The following FGF14 variants were observed in gnomAD, a reference collection of about 807,000 sequenced individuals.
FGF14 encodes fibroblast growth factor 14.
Under a neutral mutation model 25.5 loss-of-function variants are expected in FGF14, and 5 were observed. The observed-to-expected ratio is 0.20, with a 90% confidence interval of 0.10 to 0.41. The LOEUF is 0.41. Among genes scored for constraint, FGF14 ranks in the 10% least tolerant of loss-of-function variants. FGF14 has a pLI of 1.00. For missense variants in FGF14, 222 were observed against 320.1 expected, an observed-to-expected ratio of 0.69 and a Z score of 2.34; for synonymous variants, 138 against 118.3, an observed-to-expected ratio of 1.17 and a Z score of -1.08.
chr13:102,364,271 C>T (rs1446464452), intron 1 of FGF14, among the ~76,000 whole-genome samples: 2 of 152,222 alleles, frequency 1.3e-5, no homozygotes, highest in African/African-American at 4.8e-5. Context: ...CCAGGCACCA[C>T]GCTTGAGGTT....
intron 1 of FGF14, among the ~76,000 whole-genome samples, chr13:102,378,786 G>A (rs2058106922): frequency 1.3e-5 from 2 of 151,996 alleles, no homozygotes; most frequent in African/African-American, 4.8e-5. Context: ...TTCATATAGT[G>A]CTGTCTTTAT....
At chr13:101,911,288 G>A (rs986019382) in intron 1 of FGF14, among the ~76,000 whole-genome samples, 2 of 151,964 alleles carry the variant, frequency 1.3e-5, no homozygotes, top group South Asian at 2.1e-4. Flanking sequence ...AATTGATTAC[G>A]GTAACTTTGG....
intron 1 of FGF14, among the ~76,000 whole-genome samples, chr13:102,118,703 A>T (rs1257438152): frequency 4.6e-5 from 7 of 152,148 alleles, no homozygotes; most frequent in Admixed American, 4.6e-4. Flanking sequence ...TCATATATGT[A>T]TATATACTTC....
intron 1 of FGF14, among the ~76,000 whole-genome samples, chr13:101,930,859 A>C (rs1165614653): frequency 6.6e-6 from 1 of 152,220 alleles, no homozygotes; most frequent in Non-Finnish European, 1.5e-5. Flanking sequence ...GGGGACTTAC[A>C]ATCATCTGGT....
At chr13:101,989,078 G>A (rs2038755931) in intron 1 of FGF14, among the ~76,000 whole-genome samples, 1 of 151,810 alleles carries the variant, frequency 6.6e-6, no homozygotes, top group African/African-American at 2.4e-5. Context: ...CAATCTTTCT[G>A]GCACTAAAAG....
chr13:101,809,198 A>G (rs767964851), intron 3 of FGF14, among the ~76,000 whole-genome samples: 8 of 152,184 alleles, frequency 5.3e-5, no homozygotes, highest in Non-Finnish European at 8.8e-5. Flanking sequence ...TGTAAAGATA[A>G]GTTGATAAAC....
At chr13:101,938,624 T>A (rs968959204) in intron 1 of FGF14, among the ~76,000 whole-genome samples, 2 of 152,222 alleles carry the variant, frequency 1.3e-5, no homozygotes, top group African/African-American at 4.8e-5. Context: ...ATACAACTTA[T>A]TTTTCCTTCT....
At chr13:102,136,998 A>G (rs2046441697) in intron 1 of FGF14, among the ~76,000 whole-genome samples, 3 of 152,222 alleles carry the variant, frequency 2.0e-5, no homozygotes, top group Admixed American at 6.5e-5. Flanking sequence ...CAGTGATAAG[A>G]GCCTGAAACT....
chr13:102,060,988 C>T (rs924247256), intron 1 of FGF14, among the ~76,000 whole-genome samples: 7 of 152,198 alleles, frequency 4.6e-5, no homozygotes, highest in Non-Finnish European at 8.8e-5. Flanking sequence ...ACAATGCGGA[C>T]GCCTAGGGGA....
At chr13:102,261,547 C>T (rs2052717519) in intron 1 of FGF14, among the ~76,000 whole-genome samples, 1 of 152,152 alleles carries the variant, frequency 6.6e-6, no homozygotes, top group South Asian at 2.1e-4. Context: ...TTATACTACC[C>T]TCTCTTTCCC....
intron 3 of FGF14, among the ~76,000 whole-genome samples, chr13:101,844,454 CATA>C (rs1241293722): frequency 6.6e-6 from 1 of 151,996 alleles, no homozygotes; most frequent in Non-Finnish European, 1.5e-5. Flanking sequence ...GCCCGTTTAT[CATA>C]ATAACCATAT....
At chr13:102,193,970 A>G (rs1218350386) in intron 1 of FGF14, among the ~76,000 whole-genome samples, 3 of 152,190 alleles carry the variant, frequency 2.0e-5, no homozygotes, top group Non-Finnish European at 2.9e-5. Flanking sequence ...ATTTGAAATA[A>G]CTTTAAATTA....
rs373065384 is a variant in FGF14 at position 102,106,369 on chromosome 13, G to A, written c.209-231073C>T. Among the ~76,000 whole-genome samples, 5 of 152,068 alleles carry A rather than the reference G, an allele frequency of 3.3e-5. No individual in the cohort carries two copies. The South Asian group carries it at 8.3e-4, about 25-fold the overall frequency. ...GTGAATCACTTGAGGTCAGGAGTTC[G>A]AGACCAGCCTGGCTAACATGGTGAA... On this transcript the variant is annotated intron_variant, in intron 1 of 4. Transcript: ENST00000376131.
intron 1 of FGF14, among the ~76,000 whole-genome samples, chr13:101,906,926 A>G (rs987331534): frequency 1.3e-5 from 2 of 152,164 alleles, no homozygotes; most frequent in African/African-American, 4.8e-5. Context: ...TTCCACATAG[A>G]GAAAATGAAC....
intron 3 of FGF14, among the ~76,000 whole-genome samples, chr13:101,802,829 G>A (rs917606089): frequency 6.6e-6 from 1 of 152,122 alleles, no homozygotes; most frequent in Admixed American, 6.6e-5. Flanking sequence ...GAAATCCTGA[G>A]GTGTCAGGTG....
At chr13:102,171,956 G>T (rs756327752) in intron 1 of FGF14, among the ~76,000 whole-genome samples, 3 of 148,476 alleles carry the variant, frequency 2.0e-5, no homozygotes, top group Non-Finnish European at 3.0e-5. Flanking sequence ...TGCAAAAAAA[G>T]ATATGCACTT....
chr13:101,757,264 T>A (rs1413323466), intron 3 of FGF14, among the ~76,000 whole-genome samples: 1 of 152,200 alleles, frequency 6.6e-6, no homozygotes, highest in Admixed American at 6.5e-5. Context: ...TCCTATAGCC[T>A]TTTGTTTGCT....
intron 1 of FGF14, among the ~76,000 whole-genome samples, chr13:102,327,760 G>A (rs1051316475): frequency 6.6e-6 from 1 of 151,926 alleles, no homozygotes; most frequent in African/African-American, 2.4e-5. Context: ...GATCACTTGA[G>A]CCTGGGAGGT....
In FGF14 at chr13:101,722,384, G is replaced by T. The variant is rs1157701429; in HGVS notation, c.*447C>A. On this transcript the variant is annotated 3_prime_UTR_variant, in exon 5 of 5. Coordinates refer to ENST00000376143, the MANE Select transcript of FGF14 (RefSeq NM_004115.4). Reference sequence around the variant, plus strand: ...GTAAAAATGGGAAGAAGAGAAATCCGTAATAGCACAGGTTTACAGCGTCTA... The same window carrying T: ...GTAAAAATGGGAAGAAGAGAAATCCTTAATAGCACAGGTTTACAGCGTCTA... 2 of 244,974 alleles carry T rather than the reference G, an allele frequency of 8.2e-6. No homozygotes were observed. The highest frequency in any genetic ancestry group is 2.3e-5 in the African/African-American group (1 of 44,126). 15.2% of individuals were successfully genotyped at this position (244,974 alleles called of 1,614,324 possible).
Sources: gnomAD v4.1 joint callset for allele counts (sites outside exome capture counted in the v4.1 genomes callset) on GRCh38, gnomAD v4.1.1 for gene constraint, MANE v1.5 for transcripts, NCBI Gene and HGNC (gene_info 2026-07-23, HGNC 2026-07-21) for gene names.